Variants in MUSK observed in about 807,000 individuals in gnomAD.
MUSK encodes muscle, skeletal receptor tyrosine-protein kinase.
Under a neutral mutation model 88.7 loss-of-function variants are expected in MUSK, and 55 were observed. The observed-to-expected ratio is 0.62, with a 90% CI of 0.50 to 0.78. The LOEUF is 0.78. MUSK is among the 30% of genes least tolerant of loss of function. The pLI is 0.00. For missense variants in MUSK, 1,015 were observed against 1,074.3 expected (o/e 0.94, Z 0.77); for synonymous variants, 387 against 391.9 (o/e 0.99, Z 0.15).
intron 7 of MUSK, among the ~76,000 whole-genome samples, chr9:110,755,939 TATATATATATACACATATATATATAC>T (rs1239460687): frequency 8.4e-5 from 6 of 71,198 alleles, no homozygotes; most frequent in Non-Finnish European, 1.7e-4. Context: ...TATACATATA[TATATATATATACACATATATATATAC>T]ATATATATAT....
chr9:110,713,326 C>G (rs2076700109), intron 5 of MUSK, among the ~76,000 whole-genome samples: 1 of 147,100 alleles, frequency 6.8e-6, no homozygotes, highest in Non-Finnish European at 1.5e-5. Flanking sequence ...GTGGTGCAAT[C>G]TCTGCTCACT....
rs147447644 is a variant in MUSK, at chr9:110,770,066, G to T, written c.1184+1983G>T. ...TATATTTACTTATATCTATATTTCT[G>T]TACTCTGAATTCTATTTCATGGATG... is the stretch of plus-strand genomic sequence containing the variant. On this transcript the variant is annotated intron_variant, in intron 9 of 14. Coordinates refer to ENST00000374448, the MANE Select transcript of MUSK (RefSeq NM_005592.4). 4.0e-4 allele frequency among the ~76,000 whole-genome samples: 60 copies of T among 151,858 alleles called. 1 individual carries two copies. In the East Asian group the frequency reaches 0.011, roughly 29 times the overall value.
At chr9:110,774,864 T>TACACACACAC (rs1463701130) in intron 9 of MUSK, among the ~76,000 whole-genome samples, 6 of 99,368 alleles carry the variant, frequency 6.0e-5, no homozygotes, top group African/African-American at 1.2e-4. Flanking sequence ...GTGGCATATA[T>TACACACACAC]ATACACACAC....
chr9:110,737,995 A>G (rs72756517), intron 6 of MUSK, among the ~76,000 whole-genome samples: 6,074 of 152,162 alleles, frequency 0.04, 157 homozygotes, highest in South Asian at 0.067. Flanking sequence ...GAGTTCTTCA[A>G]TTACTTTGCT....
At chr9:110,797,138 ATAAAAAATAAATGCATGAATACCC>A (rs2078013987) in intron 14 of MUSK, among the ~76,000 whole-genome samples, 6 of 60,314 alleles carry the variant, frequency 9.9e-5, no homozygotes, top group Admixed American at 1.6e-4. Context: ...AAAATAAAAA[ATAAAAAATAAATGCATGAATACCC>A]AAAAAAAAAA....
At chr9:110,799,868 G>A (rs1162437197) in intron 14 of MUSK, among the ~76,000 whole-genome samples, 4 of 152,126 alleles carry the variant, frequency 2.6e-5, no homozygotes, top group African/African-American at 9.7e-5. Flanking sequence ...GAATCTTAAA[G>A]GCAAAGAGGA....
chr9:110,683,292 C>G (rs941677847), intron 2 of MUSK, among the ~76,000 whole-genome samples: 4 of 152,046 alleles, frequency 2.6e-5, no homozygotes, highest in African/African-American at 9.7e-5. Context: ...CCATCCATGT[C>G]TTTGCAAATG....
chr9:110,689,852 A>ATAAATATG (rs1384015037), intron 3 of MUSK, among the ~76,000 whole-genome samples: 86 of 77,274 alleles, frequency 1.1e-3, no homozygotes, highest in African/African-American at 2.5e-3. Context: ...ATATTTATAT[A>ATAAATATG]TAACTATATA....
At chr9:110,763,878 T>C (rs2077436659) in intron 8 of MUSK, among the ~76,000 whole-genome samples, 1 of 152,144 alleles carries the variant, frequency 6.6e-6, no homozygotes, top group South Asian at 2.1e-4. Context: ...TTCTATTGAA[T>C]GTGATTCATG....
chr9:110,761,145 G>A (rs1044715348), intron 7 of MUSK, among the ~76,000 whole-genome samples: 9 of 152,200 alleles, frequency 5.9e-5, no homozygotes, highest in African/African-American at 2.2e-4. Context: ...ATTCAGAAAT[G>A]CTGGTTATAT....
intron 7 of MUSK, among the ~76,000 whole-genome samples, chr9:110,754,312 C>A (rs1243542667): frequency 2.0e-5 from 3 of 152,118 alleles, no homozygotes; most frequent in Non-Finnish European, 4.4e-5. Flanking sequence ...AATGTTTTTG[C>A]TGACTTCTAG....
rs2078123279 is a variant in MUSK at position 110,803,540 on chromosome 9, A to T, written c.*2552A>T. ...TAGAAGCAATAACTGAACCTCAGTA[A>T]CTCTGTGGAAGTGATTTGTAATTTG... On this transcript the variant is annotated 3_prime_UTR_variant, in exon 15 of 15. Transcript: ENST00000374448. 6.6e-6 allele frequency among the ~76,000 whole-genome samples: 1 copy of T among 152,090 alleles called. No individual in the cohort carries two copies. Among genetic ancestry groups the T allele is most frequent in the Non-Finnish European group, 1.5e-5 (1 of 68,008 alleles).
chr9:110,734,451 T>G, intron 6 of MUSK, 76 bp downstream of exon 6: 2 of 1,582,594 alleles, frequency 1.3e-6, no homozygotes, highest in South Asian at 1.1e-5. Flanking sequence ...CATATAGTTG[T>G]AGTTACCCAG....
intron 4 of MUSK, among the ~76,000 whole-genome samples, chr9:110,696,202 G>T (rs4504707): frequency 0.023 from 3,497 of 151,666 alleles, 139 homozygotes; most frequent in African/African-American, 0.08. Context: ...ACTTGAACCC[G>T]AGAGGCAGAG....
chr9:110,774,335 T>C (rs900391018), intron 9 of MUSK, among the ~76,000 whole-genome samples: 8 of 152,250 alleles, frequency 5.3e-5, no homozygotes, highest in Admixed American at 3.9e-4. Context: ...ATGTTCAAAT[T>C]ATCCTACTTT....
chr9:110,784,752 A>T, intron 11 of MUSK, 63 bp from the exon 12 acceptor site: 1 of 1,310,250 alleles, frequency 7.6e-7, no homozygotes, highest in Non-Finnish European at 1.1e-6. Flanking sequence ...CTGATTGCTT[A>T]AATACAAAAA....
chr9:110,677,328 G>T lies in MUSK; in HGVS notation c.80-5346G>T, dbSNP rs1224086063. 3.3e-5 allele frequency among the ~76,000 whole-genome samples: 5 copies of T among 152,074 alleles called. No individual in the cohort carries two copies. In the East Asian group the frequency reaches 9.6e-4, roughly 29 times the overall value. On this transcript the variant is annotated intron_variant, in intron 1 of 14. Coordinates refer to ENST00000374448, the MANE Select transcript of MUSK (RefSeq NM_005592.4). ...CCCCCACCACTGCAATCTGGCTTCC[G>T]CCAAATCTGCAAGCACCAAAATCAA... is the stretch of plus-strand genomic sequence containing the variant.
At chr9:110,701,921 T>G (rs1412219365) in intron 5 of MUSK, among the ~76,000 whole-genome samples, 13 of 139,810 alleles carry the variant, frequency 9.3e-5, no homozygotes, top group Admixed American at 2.4e-4. Flanking sequence ...TTTATTTTAT[T>G]TTATTTCATA....
intron 1 of MUSK, among the ~76,000 whole-genome samples, chr9:110,674,323 A>G (rs1187513722): frequency 6.6e-6 from 1 of 152,210 alleles, no homozygotes; most frequent in African/African-American, 2.4e-5. Context: ...TTCAAGTATT[A>G]ATACTTTGTT....
Sources: gnomAD v4.1 joint callset for allele counts (sites outside exome capture counted in the v4.1 genomes callset) on GRCh38, gnomAD v4.1.1 for gene constraint, MANE v1.5 for transcripts, NCBI Gene and HGNC (gene_info 2026-07-23, HGNC 2026-07-21) for gene names.